The following NUP62CL variants were observed in gnomAD, a reference collection of about 807,000 sequenced individuals.
The protein encoded by NUP62CL is nucleoporin-62 C-terminal-like protein.
In NUP62CL, 13 loss-of-function variants were observed where a neutral mutation model predicts 15.3. That is an observed-to-expected ratio of 0.85 (90% CI 0.55 to 1.35). NUP62CL has a LOEUF of 1.35. Ranked by LOEUF, NUP62CL falls within the 40% of genes most tolerant of loss-of-function variation. The probability of loss-of-function intolerance (pLI) is 0.00; values close to 1 mark genes in which losing one functional copy is unlikely to be tolerated. For missense variants in NUP62CL, 123 were observed against 130.6 expected (o/e 0.94, Z 0.28); for synonymous variants, 54 against 49.2 (o/e 1.10, Z -0.41).
chrX:107,156,762 G>A (rs1429929945), intron 4 of NUP62CL, among the ~76,000 whole-genome samples: 25 of 105,405 alleles, frequency 2.4e-4, no homozygotes, highest in African/African-American at 5.9e-4. Flanking sequence ...CACCAGCAAC[G>A]GAACAAAGCT....
intron 2 of NUP62CL, among the ~76,000 whole-genome samples, chrX:107,181,465 TTA>T (rs1926918729): frequency 9.0e-6 from 1 of 111,651 alleles, no homozygotes. Context: ...TATTTTATTT[TTA>T]TGTTACATAA....
At chrX:107,196,488 A>G (rs1927363735) in intron 1 of NUP62CL, among the ~76,000 whole-genome samples, 1 of 111,939 alleles carries the variant, frequency 8.9e-6, no homozygotes, top group South Asian at 3.7e-4. Flanking sequence ...CTGCAGTGCG[A>G]TGGCACAATC....
chrX:107,156,139 C>A (rs374406065), intron 4 of NUP62CL, among the ~76,000 whole-genome samples: 8 of 110,482 alleles, frequency 7.2e-5, no homozygotes, highest in African/African-American at 2.3e-4. Context: ...ACGCCCACGG[C>A]ATCTCGCTGA....
At chrX:107,189,605 G>A (rs1376871458) in intron 2 of NUP62CL, among the ~76,000 whole-genome samples, 3 of 78,619 alleles carry the variant, frequency 3.8e-5, no homozygotes, top group African/African-American at 7.1e-5. Context: ...GTGAAACCCC[G>A]TCCCTACAAA....
rs187945738 is a variant in NUP62CL at position 107,168,607 on chromosome X, G to A, written c.59-823C>T. 1.8e-3 allele frequency among the ~76,000 whole-genome samples: 197 copies of A among 112,314 alleles called. 2 individuals are homozygous for A. Among genetic ancestry groups the A allele is most frequent in the African/African-American group, 5.8e-3 (181 of 30,948 alleles). On this transcript the variant is annotated intron_variant, in intron 3 of 8. Coordinates refer to ENST00000372466, the MANE Select transcript of NUP62CL (RefSeq NM_017681.3). ...ACTTTTGGTTCTTACTACACACTGA[G>A]CACTTAATGAACAAGGCACAGAAAA...
chrX:107,179,716 C>A (rs1183157578), intron 2 of NUP62CL, among the ~76,000 whole-genome samples: 3 of 111,969 alleles, frequency 2.7e-5, no homozygotes, highest in African/African-American at 9.7e-5. Flanking sequence ...ATACTGGTTT[C>A]TTTTCCTTTG....
At chrX:107,146,642 T>G (rs1468603457) in intron 8 of NUP62CL, among the ~76,000 whole-genome samples, 1 of 111,170 alleles carries the variant, frequency 9.0e-6, no homozygotes, top group African/African-American at 3.3e-5. Flanking sequence ...CTGTACCTCC[T>G]TTTTTTTGGA....
At chrX:107,195,318 C>T (rs1178685713) in intron 1 of NUP62CL, among the ~76,000 whole-genome samples, 2 of 112,061 alleles carry the variant, frequency 1.8e-5, no homozygotes. Flanking sequence ...CTCCTCCATT[C>T]ATTCCCCACA....
chrX:107,155,999 G>A (rs1431348219), intron 4 of NUP62CL, among the ~76,000 whole-genome samples: 13 of 111,845 alleles, frequency 1.2e-4, no homozygotes, highest in Admixed American at 3.7e-4. Flanking sequence ...TTCCCTTTCC[G>A]AGTCAAAGAA....
chrX:107,158,083 C>A (rs1166131730), intron 4 of NUP62CL, among the ~76,000 whole-genome samples: 1 of 66,443 alleles, frequency 1.5e-5, no homozygotes, highest in Non-Finnish European at 2.7e-5. Flanking sequence ...AGCTAACTAT[C>A]CTAAATATAT....
chrX:107,163,743 GA>G (rs1385519358), intron 4 of NUP62CL, among the ~76,000 whole-genome samples: 4 of 111,629 alleles, frequency 3.6e-5, no homozygotes, highest in Non-Finnish European at 7.5e-5. Flanking sequence ...ACAGAACAAA[GA>G]AAATTACTAG....
intron 1 of NUP62CL, among the ~76,000 whole-genome samples, chrX:107,205,120 T>A (rs1254697831): frequency 9.0e-6 from 1 of 111,207 alleles, no homozygotes; most frequent in Non-Finnish European, 1.9e-5. Context: ...AGTTGTCGGT[T>A]ATATATTGTC....
chrX:107,174,022 C>CT (rs1262511381), intron 3 of NUP62CL, among the ~76,000 whole-genome samples: 2 of 104,621 alleles, frequency 1.9e-5, no homozygotes, highest in African/African-American at 7.1e-5. Context: ...ATTTTCTTTT[C>CT]TTTTTTTTCT....
chrX:107,184,083 TC>T (rs752421868), intron 2 of NUP62CL, among the ~76,000 whole-genome samples: 8 of 102,277 alleles, frequency 7.8e-5, no homozygotes, highest in Admixed American at 2.1e-4. Flanking sequence ...AGGCAGCACC[TC>T]CCCCCCCTCC....
intron 1 of NUP62CL, among the ~76,000 whole-genome samples, chrX:107,200,728 A>T (rs5962384): frequency 0.36 from 39,152 of 107,669 alleles, 8,081 homozygotes; most frequent in African/African-American, 0.76. Context: ...GAGGTATGGC[A>T]GCTTGGAAAG....
intron 8 of NUP62CL, among the ~76,000 whole-genome samples, chrX:107,137,491 G>A (rs921586606): frequency 9.0e-6 from 1 of 111,451 alleles, no homozygotes; most frequent in Non-Finnish European, 1.9e-5. Flanking sequence ...GGAAAATTCC[G>A]AGGAATCCAC....
intron 1 of NUP62CL, among the ~76,000 whole-genome samples, chrX:107,195,424 G>T (rs1279082371): frequency 1.8e-5 from 2 of 111,626 alleles, no homozygotes; most frequent in Non-Finnish European, 3.8e-5. Flanking sequence ...TAAAGATTTT[G>T]ATATTATCTG....
chrX:107,129,600 A>G (rs1399180065), intron 8 of NUP62CL, among the ~76,000 whole-genome samples: 1 of 111,963 alleles, frequency 8.9e-6, no homozygotes, highest in Non-Finnish European at 1.9e-5. Flanking sequence ...TTGACCAGCT[A>G]AAGAGATAAA....
intron 4 of NUP62CL, among the ~76,000 whole-genome samples, chrX:107,163,463 A>G (rs752449482): frequency 8.9e-6 from 1 of 112,107 alleles, no homozygotes; most frequent in African/African-American, 3.2e-5. Flanking sequence ...AACAAAAATC[A>G]GAGGCAACAA....
Sources: gnomAD v4.1 joint callset for allele counts (sites outside exome capture counted in the v4.1 genomes callset) on GRCh38, gnomAD v4.1.1 for gene constraint, MANE v1.5 for transcripts, NCBI Gene and HGNC (gene_info 2026-07-23, HGNC 2026-07-21) for gene names.